The following ZNF280C variants were observed in gnomAD, a reference collection of about 807,000 sequenced individuals.
The protein encoded by ZNF280C is zinc finger protein 280C.
Under a neutral mutation model 53.6 loss-of-function variants are expected in ZNF280C, and 14 were observed. That is an observed-to-expected ratio of 0.26 (90% CI 0.17 to 0.41). The LOEUF (loss-of-function observed/expected upper bound fraction) is 0.41. ZNF280C is among the 10% of genes least tolerant of loss of function. The pLI, the probability that ZNF280C is intolerant of heterozygous loss-of-function variation, is 1.00. For missense variants in ZNF280C, 416 were observed against 547.1 expected (o/e 0.76, Z 2.39); for synonymous variants, 203 against 181.1 (o/e 1.12, Z -0.97).
intron 2 of ZNF280C, among the ~76,000 whole-genome samples, chrX:130,249,280 C>T (rs766623828): frequency 5.4e-5 from 6 of 112,141 alleles, no homozygotes; most frequent in Admixed American, 1.9e-4. Flanking sequence ...CGAAAGCCCA[C>T]GCAGAAGCCA....
intron 16 of ZNF280C, among the ~76,000 whole-genome samples, chrX:130,207,243 C>T (rs2031985878): frequency 8.9e-6 from 1 of 111,986 alleles, no homozygotes; most frequent in Non-Finnish European, 1.9e-5. Context: ...CTTGATTCTA[C>T]TCAAAACATC....
At position 130,237,941 on chromosome X, in the gene ZNF280C, T is replaced by C. The variant is rs760695243; in HGVS notation, c.494-1302A>G. Among the ~76,000 whole-genome samples the C allele has an allele frequency of 2.3e-4, 26 of 111,661 alleles. No homozygotes were observed. In the East Asian group the frequency reaches 6.1e-3, roughly 26 times the overall value. On this transcript the variant is annotated intron_variant, in intron 6 of 18. Coordinates refer to ENST00000370978, the MANE Select transcript of ZNF280C (RefSeq NM_017666.5). ...ATAATAGACTGTTTTAATATATGCT[T>C]ATTTTAAGCATGATGAATCTAAGTT...
intron 2 of ZNF280C, among the ~76,000 whole-genome samples, chrX:130,260,065 G>T (rs907689430): frequency 9.0e-6 from 1 of 111,219 alleles, no homozygotes; most frequent in Non-Finnish European, 1.9e-5. Context: ...GGTGGATCAC[G>T]AAGTCAGGAG....
chrX:130,261,915 A>G (rs1179551294), intron 1 of ZNF280C, among the ~76,000 whole-genome samples: 1 of 111,054 alleles, frequency 9.0e-6, no homozygotes, highest in Non-Finnish European at 1.9e-5. Flanking sequence ...ACAGCCTTGA[A>G]CTCTTGGGCT....
chrX:130,216,630 T>C (rs900629240), intron 13 of ZNF280C, among the ~76,000 whole-genome samples: 3 of 112,069 alleles, frequency 2.7e-5, no homozygotes, highest in African/African-American at 9.7e-5. Context: ...ATAACAAGTA[T>C]TGGCTAGGAC....
intron 15 of ZNF280C, among the ~76,000 whole-genome samples, chrX:130,210,114 G>A (rs1228096328): frequency 3.6e-5 from 4 of 112,024 alleles, no homozygotes; most frequent in Admixed American, 9.5e-5. Context: ...CACCTTGATC[G>A]TGGACTTTCC....
chrX:130,212,359 G>A (rs1028608321), intron 15 of ZNF280C, among the ~76,000 whole-genome samples: 2 of 111,188 alleles, frequency 1.8e-5, no homozygotes, highest in African/African-American at 6.5e-5. Context: ...CCAAGAAAGG[G>A]ATTATAAGGG....
chrX:130,210,208 C>T (rs774693464), intron 15 of ZNF280C, among the ~76,000 whole-genome samples: 4 of 112,131 alleles, frequency 3.6e-5, no homozygotes, highest in African/African-American at 9.7e-5. Flanking sequence ...CCTGAATGGA[C>T]GAAGACAGTC....
intron 12 of ZNF280C, among the ~76,000 whole-genome samples, chrX:130,223,529 C>T (rs963037046): frequency 8.9e-6 from 1 of 112,132 alleles, no homozygotes; most frequent in African/African-American, 3.2e-5. Flanking sequence ...TTTGTTTCCT[C>T]ATCTATAAAA....
chrX:130,223,472 C>A (rs2032190191), intron 12 of ZNF280C, among the ~76,000 whole-genome samples: 1 of 111,904 alleles, frequency 8.9e-6, no homozygotes, highest in African/African-American at 3.2e-5. Flanking sequence ...TTGGGCTCTG[C>A]CATTTGTTAG....
At chrX:130,235,313 G>A (rs778502114) in intron 8 of ZNF280C, among the ~76,000 whole-genome samples, 1 of 112,145 alleles carries the variant, frequency 8.9e-6, no homozygotes, top group South Asian at 3.7e-4. Flanking sequence ...CCAGGAGTTC[G>A]AGACCAGTCT....
At chrX:130,249,795 TC>T (rs1340431558) in intron 2 of ZNF280C, among the ~76,000 whole-genome samples, 1 of 111,794 alleles carries the variant, frequency 8.9e-6, no homozygotes, top group Non-Finnish European at 1.9e-5. Flanking sequence ...CAACAAGGGT[TC>T]CGAAGGGGGC....
At chrX:130,226,499 T>C (rs989032908) in intron 12 of ZNF280C, among the ~76,000 whole-genome samples, 23 of 111,734 alleles carry the variant, frequency 2.1e-4, no homozygotes, top group African/African-American at 6.8e-4. Flanking sequence ...TATTTCTAGC[T>C]ATCTTTCAGA....
chrX:130,228,395 T>C (rs779498455), intron 10 of ZNF280C, among the ~76,000 whole-genome samples: 1 of 110,310 alleles, frequency 9.1e-6, no homozygotes, highest in Non-Finnish European at 1.9e-5. Context: ...GTGATTCTCC[T>C]GCCTCAGTCT....
intron 8 of ZNF280C, among the ~76,000 whole-genome samples, chrX:130,235,484 G>A (rs926126434): frequency 2.7e-5 from 3 of 111,697 alleles, no homozygotes; most frequent in Non-Finnish European, 3.8e-5. Context: ...ACTGTACTCC[G>A]GCCTGGGTGA....
At chrX:130,240,295 C>G (rs568878528) in intron 5 of ZNF280C, among the ~76,000 whole-genome samples, 1 of 110,990 alleles carries the variant, frequency 9.0e-6, no homozygotes, top group African/African-American at 3.3e-5. Context: ...AATATGGTCC[C>G]CTGACTGATA....
At chrX:130,267,220 T>C (rs959850825) in intron 1 of ZNF280C, among the ~76,000 whole-genome samples, 8 of 111,136 alleles carry the variant, frequency 7.2e-5, no homozygotes, top group African/African-American at 2.6e-4. Flanking sequence ...ACTTTTTCAA[T>C]AGGATATTCT....
chrX:130,258,707 C>T (rs771655434), intron 2 of ZNF280C, among the ~76,000 whole-genome samples: 3 of 111,956 alleles, frequency 2.7e-5, no homozygotes, highest in South Asian at 3.7e-4. Flanking sequence ...TTGAAAATAC[C>T]GCACTCATTG....
intron 16 of ZNF280C, among the ~76,000 whole-genome samples, chrX:130,208,640 C>T (rs978453172): frequency 1.8e-5 from 2 of 111,234 alleles, no homozygotes; most frequent in Admixed American, 9.6e-5. Context: ...AAAGGTAACA[C>T]CTAATATATT....
Sources: gnomAD v4.1 joint callset for allele counts (sites outside exome capture counted in the v4.1 genomes callset) on GRCh38, gnomAD v4.1.1 for gene constraint, MANE v1.5 for transcripts, NCBI Gene and HGNC (gene_info 2026-07-23, HGNC 2026-07-21) for gene names.